The following CCDC141 variants were observed in gnomAD, a reference collection of about 807,000 sequenced individuals.
The protein encoded by CCDC141 is coiled-coil domain containing 141.
CCDC141 carries 168 observed loss-of-function variants against 181.0 expected under a neutral mutation model. The observed-to-expected ratio is 0.93, with a 90% CI of 0.82 to 1.05. The LOEUF (loss-of-function observed/expected upper bound fraction) is 1.05, where lower values mean the gene tolerates loss of function less well. Ranked by LOEUF, CCDC141 falls within the 50% of genes least tolerant of loss-of-function variation. CCDC141 has a pLI of 0.00. For synonymous variants in CCDC141, 666 were observed against 642.3 expected, an observed-to-expected ratio of 1.04 and a Z score of -0.56; for missense variants, 1,902 against 1,788.5, an observed-to-expected ratio of 1.06 and a Z score of -1.14.
chr2:179,006,415 C>A (rs949586332), intron 2 of CCDC141, among the ~76,000 whole-genome samples: 1 of 152,098 alleles, frequency 6.6e-6, no homozygotes, highest in Non-Finnish European at 1.5e-5. Flanking sequence ...TGAAAGTGTT[C>A]AGAGAGTGGT....
chr2:178,973,017 T>C (rs1875781), intron 4 of CCDC141, among the ~76,000 whole-genome samples: 148,336 of 152,266 alleles, frequency 0.97, 72,354 homozygotes, highest in Middle Eastern at 1. Flanking sequence ...CTCAACTGAT[T>C]AACATCTCAG....
Position 179,012,291 on chromosome 2 carries a change from T to C in CCDC141, c.226-33616A>G, listed in dbSNP as rs528471125. Among the ~76,000 whole-genome samples, 34 of 152,178 alleles carry C rather than the reference T, an allele frequency of 2.2e-4. No individual in the cohort carries two copies. In the South Asian group the frequency reaches 6.7e-3, roughly 30 times the overall value. On this transcript the variant is annotated intron_variant, in intron 2 of 23. Transcript: ENST00000443758. The stretch of plus-strand genomic sequence containing the variant: ...CCTCACTAAGAAACAAAACAGGAGA[T>C]AGTCTAACTGACACCACTGAAATAT...
chr2:178,990,611 A>C (rs554048127), intron 2 of CCDC141, among the ~76,000 whole-genome samples: 1 of 133,526 alleles, frequency 7.5e-6, no homozygotes. Flanking sequence ...GAGGGGAGGG[A>C]AGGGAAGGGA....
intron 7 of CCDC141, among the ~76,000 whole-genome samples, chr2:178,909,531 A>G (rs922486001): frequency 3.9e-5 from 6 of 152,224 alleles, no homozygotes; most frequent in African/African-American, 1.2e-4. Context: ...ACAGGAAGCT[A>G]CTTTCAAGAA....
chr2:178,973,140 CA>C (rs1290780183), intron 4 of CCDC141, among the ~76,000 whole-genome samples: 1 of 152,146 alleles, frequency 6.6e-6, no homozygotes, highest in Non-Finnish European at 1.5e-5. Flanking sequence ...CTTTAATATG[CA>C]TTTCAAATCA....
intron 2 of CCDC141, among the ~76,000 whole-genome samples, chr2:179,034,272 T>C (rs2043076944): frequency 6.6e-6 from 1 of 152,182 alleles, no homozygotes; most frequent in Non-Finnish European, 1.5e-5. Flanking sequence ...GTGTTCTCAC[T>C]TGTAAGTGGG....
intron 7 of CCDC141, among the ~76,000 whole-genome samples, chr2:178,916,519 G>C (rs545847851): frequency 7.6e-4 from 116 of 151,682 alleles, no homozygotes; most frequent in Non-Finnish European, 1.3e-3. Flanking sequence ...TAATAATATA[G>C]TATAAATAAT....
downstream of CCDC141, among the ~76,000 whole-genome samples, chr2:178,826,098 C>T (rs1020215784): frequency 2.0e-5 from 3 of 152,190 alleles, no homozygotes; most frequent in Non-Finnish European, 4.4e-5. Flanking sequence ...GAAGTTTCCT[C>T]TGTTACTAGT....
At chr2:179,010,511 A>G (rs2042236179) in intron 2 of CCDC141, among the ~76,000 whole-genome samples, 1 of 152,146 alleles carries the variant, frequency 6.6e-6, no homozygotes, top group South Asian at 2.1e-4. Flanking sequence ...TCCTCACACA[A>G]AACAATTATC....
At chr2:178,877,227 G>T (rs975878493) in intron 12 of CCDC141, 67 of 152,268 alleles carry the variant, frequency 4.4e-4, no homozygotes, top group African/African-American at 1.6e-3. Context: ...TGTTTTTAAT[G>T]TTGGAAGGAC....
intron 2 of CCDC141, among the ~76,000 whole-genome samples, chr2:178,985,903 T>G (rs1249828953): frequency 4.6e-5 from 7 of 152,192 alleles, no homozygotes; most frequent in East Asian, 1.9e-4. Flanking sequence ...GAGGAACTGG[T>G]ACCATTCCTT....
intron 2 of CCDC141, among the ~76,000 whole-genome samples, chr2:179,003,693 A>T (rs1324705253): frequency 1.3e-5 from 2 of 152,010 alleles, no homozygotes; most frequent in African/African-American, 4.8e-5. Flanking sequence ...AAGAGGAAAC[A>T]AAAACTTATT....
At chr2:179,002,654 A>G (rs1430018366) in intron 2 of CCDC141, 1 of 161,888 alleles carries the variant, frequency 6.2e-6, no homozygotes, top group Non-Finnish European at 1.3e-5. Context: ...ACTATAGAAC[A>G]TGCTAAACTT....
At chr2:178,881,064 C>A (rs1318308440) in intron 11 of CCDC141, among the ~76,000 whole-genome samples, 1 of 152,020 alleles carries the variant, frequency 6.6e-6, no homozygotes, top group Non-Finnish European at 1.5e-5. Context: ...AAAGTGGGTA[C>A]AATGTGCAAA....
Position 178,951,278 on chromosome 2 carries a change from T to C in CCDC141, c.781-6627A>G, listed in dbSNP as rs562044881. On this transcript the variant is annotated intron_variant, in intron 5 of 23. Coordinates refer to ENST00000443758, the MANE Select transcript of CCDC141 (RefSeq NM_173648.4). The stretch of plus-strand genomic sequence containing the variant: ...TCTTCAGCCAATTATATTCACTGTG[T>C]GTGTGAGATAAAGAGAGTGAGAGAC... 5.9e-5 allele frequency among the ~76,000 whole-genome samples: 9 copies of C among 152,290 alleles called. No individual in the cohort carries two copies. In the South Asian group the frequency reaches 1.9e-3, roughly 32 times the overall value.
chr2:179,033,675 A>G (rs2043060599), intron 2 of CCDC141, among the ~76,000 whole-genome samples: 1 of 152,176 alleles, frequency 6.6e-6, no homozygotes, highest in African/African-American at 2.4e-5. Flanking sequence ...TCAGACCTAG[A>G]ACCTTTTTGT....
chr2:178,956,968 C>T (rs886095608), intron 5 of CCDC141, among the ~76,000 whole-genome samples: 2 of 152,154 alleles, frequency 1.3e-5, no homozygotes, highest in African/African-American at 4.8e-5. Flanking sequence ...CAAACTCCGC[C>T]TCCCAGGTTC....
At chr2:178,980,288 A>G (rs1384107287) in intron 2 of CCDC141, among the ~76,000 whole-genome samples, 2 of 152,094 alleles carry the variant, frequency 1.3e-5, no homozygotes, top group Non-Finnish European at 2.9e-5. Context: ...TCTCTACTAC[A>G]AATCCAAAAA....
chr2:178,910,148 A>T (rs753380711), intron 7 of CCDC141, among the ~76,000 whole-genome samples: 3 of 152,216 alleles, frequency 2.0e-5, no homozygotes, highest in Non-Finnish European at 4.4e-5. Flanking sequence ...GCCTGCACCA[A>T]ATCAAATAGA....
Sources: allele counts gnomAD v4.1 joint callset (sites outside exome capture counted in the v4.1 genomes callset), GRCh38; gene constraint gnomAD v4.1.1; transcripts MANE v1.5; gene names NCBI Gene and HGNC (gene_info 2026-07-23, HGNC 2026-07-21).